The following ROBO2 variants were observed in gnomAD, a reference collection of about 807,000 sequenced individuals.
ROBO2 encodes roundabout guidance receptor 2.
Under a neutral mutation model 160.8 loss-of-function variants are expected in ROBO2, and 53 were observed. The observed-to-expected ratio is 0.33, with a 90% CI of 0.26 to 0.41. ROBO2 has a LOEUF of 0.41. Among genes scored for constraint, ROBO2 ranks in the 10% least tolerant of loss-of-function variants. The probability of loss-of-function intolerance (pLI) is 1.00; values close to 1 mark genes in which losing one functional copy is unlikely to be tolerated. For synonymous variants in ROBO2, 664 were observed against 611.7 expected, an observed-to-expected ratio of 1.09 and a Z score of -1.26; for missense variants, 1,577 against 1,722.4, an observed-to-expected ratio of 0.92 and a Z score of 1.49.
At chr3:76,836,121 A>G (rs1344166212) in intron 2 of ROBO2, among the ~76,000 whole-genome samples, 2 of 152,056 alleles carry the variant, frequency 1.3e-5, no homozygotes, top group African/African-American at 2.4e-5. Context: ...GTCATTCAGA[A>G]TATTTTTTAT....
intron 2 of ROBO2, among the ~76,000 whole-genome samples, chr3:76,325,479 C>G (rs1030670357): frequency 5.3e-5 from 8 of 152,260 alleles, no homozygotes; most frequent in Admixed American, 5.2e-4. Flanking sequence ...AAATTACCTT[C>G]CCAATGTTTG....
At chr3:76,172,920 A>G (rs1026065949) in intron 2 of ROBO2, among the ~76,000 whole-genome samples, 1 of 152,134 alleles carries the variant, frequency 6.6e-6, no homozygotes, top group Admixed American at 6.6e-5. Flanking sequence ...TCAGTGAAAC[A>G]TGTAAACATA....
chr3:77,385,090 C>G (rs1052884821), intron 2 of ROBO2, among the ~76,000 whole-genome samples: 3 of 152,202 alleles, frequency 2.0e-5, no homozygotes, highest in African/African-American at 7.2e-5. Context: ...AGTGCAGTGG[C>G]ATGATCTTGG....
intron 2 of ROBO2, among the ~76,000 whole-genome samples, chr3:77,203,676 A>G (rs2083134552): frequency 6.6e-6 from 1 of 152,200 alleles, no homozygotes; most frequent in African/African-American, 2.4e-5. Flanking sequence ...TTTTATTGAA[A>G]GAGGCTTCGA....
intron 2 of ROBO2, among the ~76,000 whole-genome samples, chr3:77,338,594 A>G (rs951175620): frequency 2.0e-5 from 3 of 152,136 alleles, no homozygotes; most frequent in Non-Finnish European, 4.4e-5. Context: ...GATTTTTTTA[A>G]TGGCAAACAT....
At chr3:77,122,225 A>C (rs2074846839) in intron 2 of ROBO2, among the ~76,000 whole-genome samples, 1 of 151,634 alleles carries the variant, frequency 6.6e-6, no homozygotes, top group South Asian at 2.1e-4. Flanking sequence ...AAACACTGAA[A>C]GGTGTGTGTG....
chr3:76,980,480 T>C (rs778951877), intron 2 of ROBO2, among the ~76,000 whole-genome samples: 18 of 152,204 alleles, frequency 1.2e-4, no homozygotes, highest in Non-Finnish European at 2.6e-4. Flanking sequence ...AAAGAAATTA[T>C]GCTAGGAGAT....
At chr3:77,291,028 G>C (rs2061157743) in intron 2 of ROBO2, among the ~76,000 whole-genome samples, 3 of 149,950 alleles carry the variant, frequency 2.0e-5, no homozygotes, top group Admixed American at 2.0e-4. Flanking sequence ...CAGACATGAA[G>C]TAAAATTGAT....
chr3:76,251,887 T>C (rs934137381), intron 2 of ROBO2, among the ~76,000 whole-genome samples: 1 of 152,060 alleles, frequency 6.6e-6, no homozygotes, highest in African/African-American at 2.4e-5. Context: ...GCAGGCACCA[T>C]TATAGGCCCC....
intron 2 of ROBO2, among the ~76,000 whole-genome samples, chr3:76,412,099 G>A (rs771971556): frequency 2.1e-4 from 32 of 152,092 alleles, no homozygotes; most frequent in Middle Eastern, 3.2e-3. Flanking sequence ...CTGACATGGC[G>A]GTGGCAAGAG....
chr3:77,287,203 C>A (rs367905446), intron 2 of ROBO2, among the ~76,000 whole-genome samples: 1 of 152,214 alleles, frequency 6.6e-6, no homozygotes, highest in Non-Finnish European at 1.5e-5. Flanking sequence ...TTCACTCATA[C>A]ATACACACCC....
intron 2 of ROBO2, among the ~76,000 whole-genome samples, chr3:77,294,328 CT>C (rs56081629): frequency 0.032 from 2,452 of 75,766 alleles, 16 homozygotes; most frequent in Middle Eastern, 0.1. Flanking sequence ...TAAGCTGAGG[CT>C]AGATCACCAA....
chr3:77,224,411 G>C (rs2086219313), intron 2 of ROBO2, among the ~76,000 whole-genome samples: 1 of 151,956 alleles, frequency 6.6e-6, no homozygotes, highest in South Asian at 2.1e-4. Context: ...AATTATGCCA[G>C]TGATATTCTT....
At chr3:76,913,297 C>CGTCATTACGGAGGGAGTCACGCT (rs2076103495) in intron 2 of ROBO2, among the ~76,000 whole-genome samples, 1 of 152,014 alleles carries the variant, frequency 6.6e-6, no homozygotes. Context: ...TGTTGAAGAT[C>CGTCATTACGGAGGGAGTCACGCT]GTCATTACGG....
chr3:75,929,008 C>G (rs5007430), intron 1 of ROBO2, among the ~76,000 whole-genome samples: 116,378 of 117,190 alleles, frequency 0.99, 57,826 homozygotes, highest in Middle Eastern at 1. Context: ...TGTGATAGCT[C>G]ATGATTATAG....
At chr3:76,889,175 TC>T (rs2074149363) in intron 2 of ROBO2, among the ~76,000 whole-genome samples, 1 of 152,190 alleles carries the variant, frequency 6.6e-6, no homozygotes, top group African/African-American at 2.4e-5. Flanking sequence ...GAGAAACCCT[TC>T]ACCTAGCCAG....
chr3:76,953,049 A>G (rs1410025782), intron 2 of ROBO2, among the ~76,000 whole-genome samples: 1 of 152,140 alleles, frequency 6.6e-6, no homozygotes, highest in African/African-American at 2.4e-5. Flanking sequence ...ATATTTTAAC[A>G]ATTTCTAGAT....
intron 2 of ROBO2, among the ~76,000 whole-genome samples, chr3:76,814,064 A>C (rs934860030): frequency 1.3e-5 from 2 of 152,134 alleles, no homozygotes; most frequent in African/African-American, 4.8e-5. Flanking sequence ...GGAACATATA[A>C]ATATAAAATG....
At chr3:77,130,243 A>G (rs1405757196) in intron 2 of ROBO2, among the ~76,000 whole-genome samples, 1 of 152,076 alleles carries the variant, frequency 6.6e-6, no homozygotes, top group Non-Finnish European at 1.5e-5. Context: ...TCTCCTTTGC[A>G]AAGCTTCTTG....
Sources: allele counts gnomAD v4.1 joint callset (sites outside exome capture counted in the v4.1 genomes callset), GRCh38; gene constraint gnomAD v4.1.1; transcripts MANE v1.5; gene names NCBI Gene and HGNC (gene_info 2026-07-23, HGNC 2026-07-21).